Variants in PTPRC observed in about 807,000 individuals in gnomAD.
PTPRC encodes receptor-type tyrosine-protein phosphatase C.
A neutral mutation model predicts 155.9 loss-of-function variants in PTPRC; 44 were observed. That is an observed-to-expected ratio of 0.28 (90% confidence interval 0.22 to 0.36). PTPRC has a LOEUF of 0.36. Ranked by LOEUF, PTPRC falls within the 10% of genes least tolerant of loss-of-function variation. The probability of loss-of-function intolerance (pLI) is 1.00; values close to 1 mark genes in which losing one functional copy is unlikely to be tolerated. For synonymous variants in PTPRC, 525 were observed against 533.1 expected, an observed-to-expected ratio of 0.98 and a Z score of 0.21; for missense variants, 1,401 against 1,564.6, an observed-to-expected ratio of 0.90 and a Z score of 1.76.
intron 25 of PTPRC, among the ~76,000 whole-genome samples, chr1:198,742,751 T>G (rs1290798111): frequency 1.3e-5 from 2 of 151,860 alleles, no homozygotes; most frequent in Non-Finnish European, 2.9e-5. Context: ...GTTTCAAATC[T>G]TGCTTTTAAT....
intron 23 of PTPRC, among the ~76,000 whole-genome samples, chr1:198,736,342 C>A (rs1654636832): frequency 6.6e-6 from 1 of 151,602 alleles, no homozygotes; most frequent in African/African-American, 2.4e-5. Context: ...CCCTGCCATA[C>A]CCTTCCAATC....
chr1:198,640,738 TAAAG>T (rs1411633554), intron 2 of PTPRC, among the ~76,000 whole-genome samples: 3 of 152,026 alleles, frequency 2.0e-5, no homozygotes, highest in Admixed American at 2.0e-4. Flanking sequence ...TAAATGAGCA[TAAAG>T]AAATACTGAG....
chr1:198,702,599 T>C (rs2102401537), intron 6 of PTPRC, 69 bp downstream of exon 6: 1 of 1,572,146 alleles, frequency 6.4e-7, no homozygotes, highest in Non-Finnish European at 8.8e-7. Flanking sequence ...AACTTTAATG[T>C]AGCTCTTTTA....
intron 23 of PTPRC, among the ~76,000 whole-genome samples, chr1:198,736,604 T>C (rs1481596937): frequency 6.6e-6 from 1 of 151,738 alleles, no homozygotes; most frequent in Non-Finnish European, 1.5e-5. Context: ...GATGCTTAGG[T>C]TGTTTCCAAA....
At chr1:198,699,858 C>T (rs1666383536) in intron 5 of PTPRC, 154 bp downstream of exon 5, 1 of 965,976 alleles carries the variant, frequency 1.0e-6, no homozygotes, top group South Asian at 1.4e-5. Flanking sequence ...AATATGAAAC[C>T]ACAGAACAAA....
Position 198,704,499 on chromosome 1 carries a change from G to GT in PTPRC, c.685+2dup. The GT allele has an allele frequency of 6.2e-7, 1 of 1,613,914 alleles. No homozygotes were observed. ...ACTACTCCATCTAAGCCAACATGTGGTAAGTTTATTTACTTAGAATCAGCA... is the reference window on the plus strand; with the variant it reads ...ACTACTCCATCTAAGCCAACATGTGGTTAAGTTTATTTACTTAGAATCAGCA... On this transcript the variant is annotated splice_donor_variant, in intron 8 of 32. Coordinates refer to ENST00000442510, the MANE Select transcript of PTPRC (RefSeq NM_002838.5). LOFTEE classifies it high-confidence loss of function.
At chr1:198,651,352 A>G (rs1472685839) in intron 2 of PTPRC, among the ~76,000 whole-genome samples, 1 of 150,524 alleles carries the variant, frequency 6.6e-6, no homozygotes, top group African/African-American at 2.4e-5. Context: ...TTATTTTTAA[A>G]CTGAAATTAA....
chr1:198,639,227 AGG>A lies in PTPRC; in HGVS notation c.-41_-40del. 2.6e-6 allele frequency: 4 copies of A among 1,553,248 alleles called. No homozygotes were observed. The highest frequency in any genetic ancestry group is 3.6e-6 in the Non-Finnish European group (4 of 1,124,834). On this transcript the variant is annotated splice_region_variant and 5_prime_UTR_variant, in exon 2 of 33. Transcript: ENST00000442510. ...GATAACAATTATTTTGCTTTTCAGA[AGG>A]ACGCATGCTGTTTCTTAGGGACACG...
At chr1:198,735,456 CG>C (rs1157083505) in intron 23 of PTPRC, among the ~76,000 whole-genome samples, 1 of 150,560 alleles carries the variant, frequency 6.6e-6, no homozygotes, top group Non-Finnish European at 1.5e-5. Context: ...CAACTCAAAT[CG>C]AAAGAATTAT....
Position 198,756,825 on chromosome 1 carries a change from C to CTTT in PTPRC, c.*647_*649dup, listed in dbSNP as rs1044364228. 4.0e-5 allele frequency: 6 copies of CTTT among 151,894 alleles called. 1 individual carries two copies. The highest frequency in any genetic ancestry group is 3.9e-4 in the Admixed American group (6 of 15,216). The allele number at this position is 151,894 out of a possible 1,614,324, so 9.4% of individuals were successfully genotyped here. ...CATATATTAGCATTTAGTCCAATGT[C>CTTT]TTTTTAAGCTTATTTAATTAAAAAA... is the stretch of plus-strand genomic sequence containing the variant. On this transcript the variant is annotated 3_prime_UTR_variant, in exon 33 of 33. Transcript: ENST00000442510.
chr1:198,703,274 AT>A, intron 6 of PTPRC, 23 bp from the exon 7 acceptor site: 1 of 1,612,088 alleles, frequency 6.2e-7, no homozygotes, highest in Non-Finnish European at 8.5e-7. Context: ...ATTAGCTTTT[AT>A]TCTTCTATTC....
intron 23 of PTPRC, among the ~76,000 whole-genome samples, chr1:198,740,852 G>T (rs1654868305): frequency 6.6e-6 from 1 of 151,810 alleles, no homozygotes; most frequent in South Asian, 2.1e-4. Context: ...TTACATGGGG[G>T]TTAAGATTTT....
intron 2 of PTPRC, among the ~76,000 whole-genome samples, chr1:198,672,791 C>A (rs1264057271): frequency 6.6e-6 from 1 of 152,124 alleles, no homozygotes; most frequent in African/African-American, 2.4e-5. Flanking sequence ...ACCATTTTAA[C>A]TGTATTCTAA....
intron 3 of PTPRC, chr1:198,695,074 A>G (rs893470287): frequency 1.1e-6 from 1 of 918,654 alleles, no homozygotes; most frequent in Non-Finnish European, 1.3e-6. Flanking sequence ...GCAATATTTC[A>G]TGTATATTGG....
rs542575619 is a variant in PTPRC at position 198,689,601 on chromosome 1, A to C, written c.74-2746A>C. Among the ~76,000 whole-genome samples, 2 of 152,260 alleles carry C rather than the reference A, an allele frequency of 1.3e-5. 1 individual carries two copies. Among genetic ancestry groups the C allele is most frequent in the African/African-American group, 4.8e-5 (2 of 41,564 alleles). On this transcript the variant is annotated intron_variant, in intron 2 of 32. Coordinates refer to ENST00000442510, the MANE Select transcript of PTPRC (RefSeq NM_002838.5). ...CCAATGGCTTCCGTCATTCTGAGGA[A>C]AAAGTTCAAGCTCCTTTTCAAGGCC...
intron 23 of PTPRC, among the ~76,000 whole-genome samples, chr1:198,736,285 T>A (rs1378296810): frequency 6.6e-6 from 1 of 151,630 alleles, no homozygotes; most frequent in Non-Finnish European, 1.5e-5. Context: ...GTCTTATTCA[T>A]TTTATCTAAT....
chr1:198,739,988 C>T (rs1654825340), intron 23 of PTPRC, among the ~76,000 whole-genome samples: 1 of 151,596 alleles, frequency 6.6e-6, no homozygotes, highest in African/African-American at 2.4e-5. Flanking sequence ...ATGAGGAAAT[C>T]ACTAAGGAAA....
At position 198,708,252 on chromosome 1, in the gene PTPRC, T is replaced by A; in HGVS notation, c.1024T>A (p.Phe342Ile). The change falls in exon 10 of 33, where the codon TTT becomes ATT. Residue 342 changes from phenylalanine to isoleucine, a missense_variant. By Grantham distance (21) the Phe-to-Ile change is conservative. Transcript: ENST00000442510. ...TCDTQNITYR[F>I]QCGNMIFDNK... is the part of the protein sequence containing the mutation. ...TGATACACAGAATATTACCTACAGATTTCAGTGTGGTAAGAATATAACATT... is the reference window on the plus strand; with the variant it reads ...TGATACACAGAATATTACCTACAGAATTCAGTGTGGTAAGAATATAACATT... 1.2e-6 allele frequency: 2 copies of A among 1,606,760 alleles called. No individual in the cohort carries two copies. Among genetic ancestry groups the A allele is most frequent in the Non-Finnish European group, 1.7e-6 (2 of 1,174,758 alleles).
At chr1:198,724,452 A>G (rs554550955) in intron 15 of PTPRC, among the ~76,000 whole-genome samples, 181 of 152,274 alleles carry the variant, frequency 1.2e-3, no homozygotes, top group African/African-American at 4.3e-3. Context: ...GATTTGCTGT[A>G]TCACACATAG....
Sources: gnomAD v4.1 joint callset for allele counts (sites outside exome capture counted in the v4.1 genomes callset) on GRCh38, gnomAD v4.1.1 for gene constraint, MANE v1.5 for transcripts, NCBI Gene and HGNC (gene_info 2026-07-23, HGNC 2026-07-21) for gene names.